Variants in CSGALNACT1 observed in about 807,000 individuals in gnomAD.
The protein encoded by CSGALNACT1 is beta4GalNAcT-1.
Under a neutral mutation model 51.0 loss-of-function variants are expected in CSGALNACT1, and 52 were observed. The observed-to-expected ratio is 1.02, with a 90% CI of 0.82 to 1.29. The LOEUF (loss-of-function observed/expected upper bound fraction) is 1.29, where lower values mean the gene tolerates loss of function less well. CSGALNACT1 is among the 50% of genes most tolerant of loss of function. The pLI, the probability that CSGALNACT1 is intolerant of heterozygous loss-of-function variation, is 0.00. For missense variants in CSGALNACT1, 935 were observed against 679.2 expected (o/e 1.38, Z -4.19); for synonymous variants, 341 against 254.4 (o/e 1.34, Z -3.24).
chr8:19,716,417 C>A (rs1460645780), intron 1 of CSGALNACT1, among the ~76,000 whole-genome samples: 1 of 151,866 alleles, frequency 6.6e-6, no homozygotes, highest in Non-Finnish European at 1.5e-5. Flanking sequence ...CATGGTTTAT[C>A]TTTTATCTCA....
At chr8:19,484,541 A>G (rs140456127) in intron 4 of CSGALNACT1, among the ~76,000 whole-genome samples, 259 of 152,294 alleles carry the variant, frequency 1.7e-3, no homozygotes, top group African/African-American at 5.7e-3. Context: ...GTCTTACATG[A>G]CAGCAGGTAA....
rs546738870 is a variant in CSGALNACT1, at chr8:19,464,345, C to T, written c.635-5703G>A. Among the ~76,000 whole-genome samples, 4 of 152,278 alleles carry T rather than the reference C, an allele frequency of 2.6e-5. No individual in the cohort carries two copies. In the South Asian group the frequency reaches 8.3e-4, roughly 32 times the overall value. On this transcript the variant is annotated intron_variant, in intron 4 of 9. Transcript: ENST00000454498. ...TCACAGCACCACTCAAACCCCACATCTCCCTAGCTCAAAGTTCTCGCCAGC... is the reference window on the plus strand; with the variant it reads ...TCACAGCACCACTCAAACCCCACATTTCCCTAGCTCAAAGTTCTCGCCAGC...
At chr8:19,594,148 G>A (rs1315683673) in intron 2 of CSGALNACT1, among the ~76,000 whole-genome samples, 1 of 152,170 alleles carries the variant, frequency 6.6e-6, no homozygotes, top group African/African-American at 2.4e-5. Context: ...AACTACACAG[G>A]TGAAAGAGAA....
At chr8:19,756,890 C>A (rs1377405507) in intron 1 of CSGALNACT1, among the ~76,000 whole-genome samples, 3 of 151,986 alleles carry the variant, frequency 2.0e-5, no homozygotes, top group Non-Finnish European at 2.9e-5. Context: ...GGGAGCGCAG[C>A]GGCCCCGGAC....
chr8:19,547,589 T>C (rs888390807), intron 3 of CSGALNACT1, among the ~76,000 whole-genome samples: 1 of 152,182 alleles, frequency 6.6e-6, no homozygotes, highest in Non-Finnish European at 1.5e-5. Flanking sequence ...TTCACCATGA[T>C]TGTGAGGCCT....
intron 3 of CSGALNACT1, among the ~76,000 whole-genome samples, chr8:19,577,624 T>C (rs2044569748): frequency 6.6e-6 from 1 of 151,560 alleles, no homozygotes; most frequent in African/African-American, 2.4e-5. Flanking sequence ...AACCATCCTG[T>C]TGCATCTAGT....
intron 4 of CSGALNACT1, among the ~76,000 whole-genome samples, chr8:19,462,077 T>C (rs997909211): frequency 1.3e-5 from 2 of 151,912 alleles, no homozygotes; most frequent in Non-Finnish European, 2.9e-5. Flanking sequence ...TCACCACAGA[T>C]GGTATCTGCA....
chr8:19,684,730 C>T (rs1291054674), upstream of CSGALNACT1, among the ~76,000 whole-genome samples: 4 of 152,122 alleles, frequency 2.6e-5, no homozygotes, highest in Non-Finnish European at 5.9e-5. Context: ...AAGCCAGGTT[C>T]CAATCAAAAA....
intron 1 of CSGALNACT1, among the ~76,000 whole-genome samples, chr8:19,741,553 A>C (rs1027108965): frequency 1.4e-4 from 14 of 98,670 alleles, no homozygotes; most frequent in Non-Finnish European, 2.7e-4. Context: ...AAAGAGTGAG[A>C]CTCCATCAAA....
intron 4 of CSGALNACT1, among the ~76,000 whole-genome samples, chr8:19,494,131 T>C (rs1039277850): frequency 6.6e-6 from 1 of 152,212 alleles, no homozygotes; most frequent in African/African-American, 2.4e-5. Context: ...CCCTGCTTAA[T>C]TCTTCAGGTT....
chr8:19,665,318 A>C (rs1440067822), intron 1 of CSGALNACT1, among the ~76,000 whole-genome samples: 1 of 152,226 alleles, frequency 6.6e-6, no homozygotes, highest in Non-Finnish European at 1.5e-5. Context: ...TCTTTGTAGA[A>C]GTATTCACAG....
chr8:19,453,911 T>G (rs2063619866), intron 5 of CSGALNACT1, among the ~76,000 whole-genome samples: 1 of 147,082 alleles, frequency 6.8e-6, no homozygotes, highest in Non-Finnish European at 1.5e-5. Flanking sequence ...TACTCCTCCA[T>G]GAGAAAGAAG....
intron 6 of CSGALNACT1, among the ~76,000 whole-genome samples, chr8:19,433,349 AC>A (rs1436222953): frequency 6.6e-6 from 1 of 152,222 alleles, no homozygotes; most frequent in Non-Finnish European, 1.5e-5. Flanking sequence ...CTTAGGACAT[AC>A]ATGGGTTTTA....
chr8:19,676,721 G>A (rs552078316), intron 1 of CSGALNACT1, among the ~76,000 whole-genome samples: 96 of 151,932 alleles, frequency 6.3e-4, no homozygotes, highest in African/African-American at 2.1e-3. Context: ...AAAAAGCCTC[G>A]GGAGCCGCAC....
chr8:19,463,076 T>C (rs2065904309), intron 4 of CSGALNACT1, among the ~76,000 whole-genome samples: 2 of 152,320 alleles, frequency 1.3e-5, no homozygotes, highest in East Asian at 3.9e-4. Context: ...ACATGTGTTA[T>C]TTGGTTTCCG....
chr8:19,624,622 G>C (rs2054220751), intron 1 of CSGALNACT1, among the ~76,000 whole-genome samples: 1 of 151,524 alleles, frequency 6.6e-6, no homozygotes, highest in Non-Finnish European at 1.5e-5. Flanking sequence ...CCCCCAAATG[G>C]TGACTCAGAG....
At chr8:19,469,933 G>A (rs1262190385) in intron 4 of CSGALNACT1, among the ~76,000 whole-genome samples, 1 of 152,182 alleles carries the variant, frequency 6.6e-6, no homozygotes, top group East Asian at 1.9e-4. Flanking sequence ...AAGGGAGGGA[G>A]GGAAGAAGAA....
At position 19,505,718 on chromosome 8, in the gene CSGALNACT1, G is replaced by A. The variant is rs758278533; in HGVS notation, c.117C>T (p.Asp39=). 3.2e-5 allele frequency: 52 copies of A among 1,614,024 alleles called. No individual in the cohort carries two copies. Among genetic ancestry groups the A allele is most frequent in the African/African-American group, 8.0e-5 (6 of 74,936 alleles). The stretch of plus-strand genomic sequence containing the variant: ...CCCTGGGCAGTGCCAGCTGCTCCTC[G>A]TCACCTTTTGGGGTGCAGGCCAACA... Residue 39 remains aspartate (D), a synonymous_variant, in exon 4 of 10, where the codon GAC becomes GAT. Transcript: ENST00000454498.
chr8:19,424,525 T>A (rs1265472275), intron 6 of CSGALNACT1, among the ~76,000 whole-genome samples: 2 of 152,122 alleles, frequency 1.3e-5, no homozygotes, highest in African/African-American at 4.8e-5. Flanking sequence ...CAACTTCCTG[T>A]CTTTGCCAAA....
Sources: allele counts gnomAD v4.1 joint callset (sites outside exome capture counted in the v4.1 genomes callset), GRCh38; gene constraint gnomAD v4.1.1; transcripts MANE v1.5; gene names NCBI Gene and HGNC (gene_info 2026-07-23, HGNC 2026-07-21).